The following ELF1 variants were observed in gnomAD, a reference collection of about 807,000 sequenced individuals.
The protein encoded by ELF1 is ETS-related transcription factor Elf-1.
In ELF1, 24 loss-of-function variants were observed where a neutral mutation model predicts 59.9. That is an observed-to-expected ratio of 0.40 (90% confidence interval 0.29 to 0.56). The LOEUF (loss-of-function observed/expected upper bound fraction) is 0.56, where lower values mean the gene tolerates loss of function less well. Among genes scored for constraint, ELF1 ranks in the 20% least tolerant of loss-of-function variants. ELF1 has a pLI of 0.44. For missense variants in ELF1, 627 were observed against 742.2 expected (o/e 0.84, Z 1.80); for synonymous variants, 248 against 266.2 (o/e 0.93, Z 0.67).
intron 1 of ELF1, among the ~76,000 whole-genome samples, chr13:40,987,029 G>A (rs1208819757): frequency 2.8e-5 from 4 of 140,486 alleles, no homozygotes; most frequent in African/African-American, 8.0e-5. Flanking sequence ...TCCGCCTCCC[G>A]GGTTCACGCC....
Position 41,042,314 on chromosome 13 carries a change from T to TC in ELF1, c.-229+18523_-229+18524insG, listed in dbSNP as rs200820199. 2.7e-3 allele frequency among the ~76,000 whole-genome samples: 415 copies of TC among 151,324 alleles called. 8 individuals carry two copies. The East Asian group carries it at 0.049, about 18-fold the overall frequency. ...CAGCTTTTTCTTTTTCTTTTTTTTT[T>TC]TATTATTATTATACTTTAAGTTCAA... is the stretch of plus-strand genomic sequence containing the variant. On this transcript the variant is annotated intron_variant, in intron 1 of 1. Coordinates refer to the ELF1 transcript ENST00000405737.
chr13:41,003,450 T>C (rs926374167), intron 1 of ELF1, among the ~76,000 whole-genome samples: 3 of 138,524 alleles, frequency 2.2e-5, no homozygotes, highest in Non-Finnish European at 4.5e-5. Flanking sequence ...TAAAAAGACA[T>C]AGTAACTTCT....
chr13:40,938,437 T>C (rs951043323), intron 8 of ELF1, among the ~76,000 whole-genome samples: 1 of 152,230 alleles, frequency 6.6e-6, no homozygotes, highest in African/African-American at 2.4e-5. Flanking sequence ...TGTTTTACTG[T>C]AAATAACTGA....
intron 1 of ELF1, among the ~76,000 whole-genome samples, chr13:41,032,905 C>A (rs540210159): frequency 2.0e-5 from 3 of 151,402 alleles, no homozygotes; most frequent in Admixed American, 6.6e-5. Context: ...TTACAATGCT[C>A]ATAAACAGAA....
Position 40,951,503 on chromosome 13 carries a change from C to T in ELF1, c.254-67G>A, listed in dbSNP as rs185377047. On this transcript the variant is annotated intron_variant, in intron 3 of 8. Transcript: ENST00000239882. ...ATCTGTTACTCTGAAAGTCATACACCGCTTATCTCTAGAACCAGAATACAT... is the reference window on the plus strand; with the variant it reads ...ATCTGTTACTCTGAAAGTCATACACTGCTTATCTCTAGAACCAGAATACAT... 2.1e-4 allele frequency: 255 copies of T among 1,225,842 alleles called. 3 individuals are homozygous for T. In the East Asian group the frequency reaches 3.6e-3, roughly 17 times the overall value. 75.9% of individuals were successfully genotyped at this position (1,225,842 alleles called of 1,614,324 possible). A position where few individuals can be genotyped will look rare whatever the true frequency, so the allele number is the denominator to read the frequency against.
chr13:41,022,314 A>G (rs1313719154), upstream of ELF1, among the ~76,000 whole-genome samples: 5 of 152,200 alleles, frequency 3.3e-5, no homozygotes, highest in African/African-American at 7.2e-5. Context: ...GACTGACTCC[A>G]TGACTCTGTA....
rs1478225927 is a variant in ELF1, at chr13:41,006,920, T to C, written c.-229+12308A>G. Among the ~76,000 whole-genome samples the C allele has an allele frequency of 2.0e-5, 3 of 152,202 alleles. No homozygotes were observed. In the East Asian group the frequency reaches 5.8e-4, roughly 29 times the overall value. On this transcript the variant is annotated intron_variant, in intron 1 of 8. Coordinates refer to ENST00000239882, the MANE Select transcript of ELF1 (RefSeq NM_172373.4). The stretch of plus-strand genomic sequence containing the variant: ...CTTTATGTACATAGCATGCTGTATA[T>C]ATTCTTCCAGCATACTTTACCCAAG...
intron 1 of ELF1, among the ~76,000 whole-genome samples, chr13:41,003,177 A>C (rs868549143): frequency 6.6e-6 from 1 of 152,162 alleles, no homozygotes; most frequent in Non-Finnish European, 1.5e-5. Context: ...TGACGTACAT[A>C]TATGTATTTT....
chr13:40,986,821 G>A (rs1194640693), intron 1 of ELF1, among the ~76,000 whole-genome samples: 1 of 151,860 alleles, frequency 6.6e-6, no homozygotes, highest in African/African-American at 2.4e-5. Context: ...AAAAAAATAT[G>A]ATAGTCAAAA....
At chr13:40,963,216 T>C (rs554210380) in intron 2 of ELF1, among the ~76,000 whole-genome samples, 5 of 152,370 alleles carry the variant, frequency 3.3e-5, no homozygotes, top group African/African-American at 4.8e-5. Flanking sequence ...CCTTTACTTA[T>C]ACACTATTGT....
At chr13:41,001,124 C>A (rs1302111791) in intron 1 of ELF1, among the ~76,000 whole-genome samples, 1 of 151,444 alleles carries the variant, frequency 6.6e-6, no homozygotes, top group Non-Finnish European at 1.5e-5. Flanking sequence ...TTACAGGTGC[C>A]CACCACCACG....
At chr13:40,977,009 TAA>T (rs1169798685) in intron 2 of ELF1, among the ~76,000 whole-genome samples, 1 of 152,184 alleles carries the variant, frequency 6.6e-6, no homozygotes, top group Non-Finnish European at 1.5e-5. Flanking sequence ...TCTAGTGACT[TAA>T]GTCTATTAAA....
rs1475285784 is a variant in ELF1 at position 41,043,333 on chromosome 13, C to G, written c.-229+17505G>C. 5.9e-5 allele frequency among the ~76,000 whole-genome samples: 9 copies of G among 152,258 alleles called. No homozygotes were observed. In the East Asian group the frequency reaches 1.7e-3, roughly 29 times the overall value. On this transcript the variant is annotated intron_variant, in intron 1 of 1. Transcript: ENST00000405737. Reference sequence around the variant, plus strand: ...ATTAGATCCCATTTGTCAATTTTGGCTTTTGTTGCCATTGCTTTTGGTGTT... The same window carrying G: ...ATTAGATCCCATTTGTCAATTTTGGGTTTTGTTGCCATTGCTTTTGGTGTT...
rs375076980 is a variant in ELF1, at chr13:40,958,852, A to G, written c.237T>C (p.Asp79=). ...AEEEIIDDDD[D]DITLTVEASC... ...CACACGCACCTGTAAGGGTGATGTC[A>G]TCATCATCATCGTCTATGATTTCTT... Residue 79 remains aspartate (D), a synonymous_variant, in exon 3 of 9, where the codon GAT becomes GAC. Transcript: ENST00000239882. 3 of 1,608,836 alleles carry G rather than the reference A, an allele frequency of 1.9e-6. No individual in the cohort carries two copies. Among genetic ancestry groups the G allele is most frequent in the Non-Finnish European group, 2.5e-6 (3 of 1,177,268 alleles).
intron 1 of ELF1, among the ~76,000 whole-genome samples, chr13:41,035,310 C>T (rs925610869): frequency 3.3e-5 from 5 of 152,200 alleles, no homozygotes; most frequent in African/African-American, 1.2e-4. Flanking sequence ...TCATTTATTT[C>T]AGCATGATAG....
At chr13:41,011,204 A>C (rs1381372096) in intron 1 of ELF1, among the ~76,000 whole-genome samples, 1 of 152,204 alleles carries the variant, frequency 6.6e-6, no homozygotes, top group Non-Finnish European at 1.5e-5. Flanking sequence ...TAATTATTTT[A>C]TGAATGTTTT....
intron 2 of ELF1, among the ~76,000 whole-genome samples, chr13:40,967,599 T>G (rs1193667455): frequency 2.0e-5 from 3 of 152,226 alleles, no homozygotes; most frequent in African/African-American, 7.2e-5. Flanking sequence ...ATGGTTTTGT[T>G]TTTATTTTTT....
chr13:40,985,327 AT>A (rs1025539399), intron 1 of ELF1, among the ~76,000 whole-genome samples: 2 of 152,118 alleles, frequency 1.3e-5, no homozygotes, highest in African/African-American at 4.8e-5. Flanking sequence ...GTATCTTACA[AT>A]TTTTTCAGTA....
intron 1 of ELF1, among the ~76,000 whole-genome samples, chr13:41,049,375 T>G (rs1749164317): frequency 6.6e-6 from 1 of 152,174 alleles, no homozygotes; most frequent in African/African-American, 2.4e-5. Flanking sequence ...TAGTTTACAG[T>G]TAAAGACCAA....
Sources: gnomAD v4.1 joint callset for allele counts (sites outside exome capture counted in the v4.1 genomes callset) on GRCh38, gnomAD v4.1.1 for gene constraint, MANE v1.5 for transcripts, NCBI Gene and HGNC (gene_info 2026-07-23, HGNC 2026-07-21) for gene names.